Variants in CNOT2 observed in about 807,000 individuals in gnomAD.
The protein encoded by CNOT2 is CC chemokine receptor 4-negative regulator of transcription 2.
Under a neutral mutation model 72.1 loss-of-function variants are expected in CNOT2, and 7 were observed. The observed-to-expected ratio is 0.10, with a 90% CI of 0.06 to 0.18. The LOEUF is 0.18. Ranked by LOEUF, CNOT2 falls within the 10% of genes least tolerant of loss-of-function variation. The pLI is 1.00. For missense variants in CNOT2, 345 were observed against 660.3 expected (o/e 0.52, Z 5.23); for synonymous variants, 196 against 225.6 (o/e 0.87, Z 1.17).
intron 3 of CNOT2, among the ~76,000 whole-genome samples, chr12:70,312,901 A>G (rs970421358): frequency 2.0e-5 from 3 of 152,004 alleles, no homozygotes; most frequent in Non-Finnish European, 4.4e-5. Flanking sequence ...AATTACCTAT[A>G]ATGCTATCAG....
chr12:70,311,054 G>A, intron 3 of CNOT2, 37 bp downstream of exon 3: 3 of 1,501,496 alleles, frequency 2.0e-6, no homozygotes, highest in Non-Finnish European at 2.8e-6. Flanking sequence ...TTTCAGCAAT[G>A]TAAGTCTGTG....
intron 2 of CNOT2, among the ~76,000 whole-genome samples, chr12:70,308,547 G>A (rs1875843942): frequency 7.5e-6 from 1 of 132,534 alleles, no homozygotes; most frequent in Non-Finnish European, 1.6e-5. Context: ...GCTTAAGTTT[G>A]GTATATTTTC....
chr12:70,254,980 C>CA (rs34311334), intron 1 of CNOT2, among the ~76,000 whole-genome samples: 4,425 of 110,596 alleles, frequency 0.04, 121 homozygotes, highest in South Asian at 0.14. Context: ...GACTGCATCT[C>CA]AAAAAAAAAA....
At chr12:70,290,577 A>C (rs4761194) in intron 2 of CNOT2, 83,862 of 151,964 alleles carry the variant, frequency 0.55, 24,002 homozygotes, top group East Asian at 0.94. Context: ...GTCTGAAATC[A>C]ATTGTTTAAT....
intron 1 of CNOT2, among the ~76,000 whole-genome samples, chr12:70,248,336 A>T (rs1957982816): frequency 6.6e-6 from 1 of 152,188 alleles, no homozygotes. Context: ...GGAGGTCCAA[A>T]ATTTAAAAAG....
intron 1 of CNOT2, among the ~76,000 whole-genome samples, chr12:70,264,239 T>C (rs1364992585): frequency 6.6e-6 from 1 of 152,314 alleles, no homozygotes; most frequent in East Asian, 1.9e-4. Flanking sequence ...CCAGTTCTCT[T>C]TGGTACACTA....
intron 2 of CNOT2, among the ~76,000 whole-genome samples, chr12:70,288,783 A>T (rs188299629): frequency 6.6e-6 from 1 of 152,158 alleles, no homozygotes; most frequent in Non-Finnish European, 1.5e-5. Context: ...AACAACATCT[A>T]TTTTAATTAT....
Position 70,338,448 on chromosome 12 carries a change from G to T in CNOT2, c.906G>T (p.Leu302Phe). The T allele has an allele frequency of 1.3e-6, 2 of 1,594,968 alleles. No individual in the cohort carries two copies. The highest frequency in any genetic ancestry group is 1.7e-6 in the Non-Finnish European group (2 of 1,174,364). Residue 302 changes from leucine (L) to phenylalanine (F), a missense_variant, in exon 10 of 16, where the codon TTG (leucine) becomes TTT (phenylalanine). Transcript: ENST00000229195. Reference sequence around the variant, plus strand: ...TTTAATTTTTTTCATGCTAGAATTTGAATACATCTGGCAAGACAACTTCAA... The same window carrying T: ...TTTAATTTTTTTCATGCTAGAATTTTAATACATCTGGCAAGACAACTTCAA... ...TSSNDDSKSN[L>F]NTSGKTTSST...
At chr12:70,306,971 A>G (rs1395082663) in intron 2 of CNOT2, among the ~76,000 whole-genome samples, 2 of 152,214 alleles carry the variant, frequency 1.3e-5, no homozygotes, top group Non-Finnish European at 2.9e-5. Context: ...GTGTATTTAA[A>G]CATACCTAAA....
chr12:70,320,033 T>C (rs1234873975), intron 4 of CNOT2, among the ~76,000 whole-genome samples: 1 of 151,692 alleles, frequency 6.6e-6, no homozygotes, highest in Non-Finnish European at 1.5e-5. Context: ...CAATAAAATA[T>C]CTTTATATTT....
chr12:70,268,491 G>A (rs996957025), intron 1 of CNOT2, among the ~76,000 whole-genome samples: 8 of 152,034 alleles, frequency 5.3e-5, no homozygotes, highest in Non-Finnish European at 1.0e-4. Context: ...TTTTTCCCAG[G>A]CTGGAGTGCA....
chr12:70,268,251 A>C (rs1210805094), intron 1 of CNOT2, among the ~76,000 whole-genome samples: 2 of 152,094 alleles, frequency 1.3e-5, no homozygotes, highest in African/African-American at 4.8e-5. Context: ...CTGGGTGGAC[A>C]GTTCTCTCGG....
At chr12:70,307,038 C>T (rs1178365676) in intron 2 of CNOT2, among the ~76,000 whole-genome samples, 1 of 152,060 alleles carries the variant, frequency 6.6e-6, no homozygotes, top group East Asian at 1.9e-4. Context: ...AAGGTTACAC[C>T]TTTATAGGGC....
chr12:70,332,501 G>T (rs1448115284), intron 6 of CNOT2: 1 of 303,196 alleles, frequency 3.3e-6, no homozygotes, highest in Non-Finnish European at 5.4e-6. Context: ...CCCTGAATCT[G>T]TTTTCCTCAA....
intron 2 of CNOT2, among the ~76,000 whole-genome samples, chr12:70,299,015 G>A (rs1037414588): frequency 7.9e-5 from 12 of 152,104 alleles, no homozygotes; most frequent in Non-Finnish European, 1.6e-4. Context: ...TTATTAGTCC[G>A]TTCTCATGCT....
At chr12:70,283,757 C>G (rs1870337040) in intron 2 of CNOT2, among the ~76,000 whole-genome samples, 1 of 151,178 alleles carries the variant, frequency 6.6e-6, no homozygotes, top group African/African-American at 2.4e-5. Flanking sequence ...CATGTTATCA[C>G]TAGCCAGAGA....
Position 70,335,486 on chromosome 12 carries a change from TAGC to T in CNOT2, c.701_703del (p.Ala234del), listed in dbSNP as rs1477855247. The stretch of plus-strand genomic sequence containing the variant: ...TTGGACCTTTCAGATTTCCCAGCAT[TAGC>T]AGACCGAAACAGGAGGGAAGGAAGT... On this transcript the variant is annotated inframe_deletion, in exon 8 of 16. Coordinates refer to ENST00000229195, the MANE Select transcript of CNOT2 (RefSeq NM_014515.7). The T allele has an allele frequency of 1.2e-6, 2 of 1,606,706 alleles. No homozygotes were observed. Among genetic ancestry groups the T allele is most frequent in the Non-Finnish European group, 1.7e-6 (2 of 1,173,596 alleles).
At chr12:70,327,780 A>G (rs1183941228) in intron 4 of CNOT2, 1 of 151,796 alleles carries the variant, frequency 6.6e-6, no homozygotes, top group Non-Finnish European at 1.5e-5. Flanking sequence ...CGTGTTACAT[A>G]GTAGGCATTC....
intron 2 of CNOT2, among the ~76,000 whole-genome samples, chr12:70,304,629 A>C (rs1346584837): frequency 6.6e-6 from 1 of 152,076 alleles, no homozygotes; most frequent in Non-Finnish European, 1.5e-5. Context: ...TCAGGGACCC[A>C]CTTGTGGAGG....
Sources: gnomAD v4.1 joint callset for allele counts (sites outside exome capture counted in the v4.1 genomes callset) on GRCh38, gnomAD v4.1.1 for gene constraint, MANE v1.5 for transcripts, NCBI Gene and HGNC (gene_info 2026-07-23, HGNC 2026-07-21) for gene names.